The following MIS18A variants were observed in gnomAD, a reference collection of about 807,000 sequenced individuals.
MIS18A encodes the protein MIS18 kinetochore protein A, also known as protein Mis18-alpha.
A neutral mutation model predicts 25.0 loss-of-function variants in MIS18A; 14 were observed. The ratio of observed to expected loss-of-function variants is 0.56; its 90% CI spans 0.37 to 0.88. MIS18A has a LOEUF of 0.88. Ranked by LOEUF, MIS18A falls within the 40% of genes least tolerant of loss-of-function variation. The pLI is 0.00. For missense variants in MIS18A, 292 were observed against 290.8 expected (o/e 1.00, Z -0.03); for synonymous variants, 134 against 118.6 (o/e 1.13, Z -0.84).
downstream of MIS18A, among the ~76,000 whole-genome samples, chr21:32,265,697 C>A (rs2031584997): frequency 6.6e-6 from 1 of 152,262 alleles, no homozygotes; most frequent in African/African-American, 2.4e-5. Flanking sequence ...CATCGACCAC[C>A]CAAGGGCTGA....
intron 3 of MIS18A, among the ~76,000 whole-genome samples, chr21:32,270,053 G>A (rs1346783262): frequency 1.3e-5 from 2 of 152,020 alleles, no homozygotes; most frequent in African/African-American, 2.4e-5. Flanking sequence ...CAGCCTGGGC[G>A]ACAGAGTGAG....
At chr21:32,213,284 T>C in the MIS18A span, among the ~76,000 whole-genome samples, 1 of 152,198 alleles carries the variant, frequency 6.6e-6, no homozygotes, top group Non-Finnish European at 1.5e-5. Flanking sequence ...AAATGGCTGA[T>C]TGTATGAATG....
chr21:32,175,092 G>A, the MIS18A span, among the ~76,000 whole-genome samples: 1 of 152,126 alleles, frequency 6.6e-6, no homozygotes, highest in African/African-American at 2.4e-5. Flanking sequence ...TAGGCTATAT[G>A]GTATAGACTA....
chr21:32,213,137 A>G, the MIS18A span, among the ~76,000 whole-genome samples: 1 of 152,356 alleles, frequency 6.6e-6, no homozygotes, highest in Admixed American at 6.5e-5. Flanking sequence ...AAAAAAATGC[A>G]CATACCCTTT....
the MIS18A span, among the ~76,000 whole-genome samples, chr21:32,168,447 C>G: frequency 2.0e-5 from 3 of 151,962 alleles, no homozygotes; most frequent in Non-Finnish European, 2.9e-5. Context: ...TAAAAATGGA[C>G]TTATTTAGAC....
chr21:32,181,584 G>A, the MIS18A span, among the ~76,000 whole-genome samples: 2 of 152,098 alleles, frequency 1.3e-5, no homozygotes, highest in Non-Finnish European at 2.9e-5. Flanking sequence ...ACTGACTCTT[G>A]AGCCAGGGAA....
At chr21:32,241,517 C>G in the MIS18A span, among the ~76,000 whole-genome samples, 1 of 152,184 alleles carries the variant, frequency 6.6e-6, no homozygotes, top group African/African-American at 2.4e-5. Context: ...TTTCCCTTTC[C>G]TTGGAAGGAA....
At chr21:32,227,394 G>GA in the MIS18A span, among the ~76,000 whole-genome samples, 137 of 147,186 alleles carry the variant, frequency 9.3e-4, no homozygotes, top group Middle Eastern at 3.5e-3. Flanking sequence ...TGACCTTACA[G>GA]AAAAAAAAAA....
chr21:32,223,117 A>C, the MIS18A span, among the ~76,000 whole-genome samples: 16 of 152,166 alleles, frequency 1.1e-4, no homozygotes, highest in Non-Finnish European at 2.2e-4. Flanking sequence ...TCTAGGACAC[A>C]GCTAAAGCAG....
the MIS18A span, among the ~76,000 whole-genome samples, chr21:32,186,991 T>G: frequency 6.6e-5 from 10 of 152,126 alleles, no homozygotes; most frequent in African/African-American, 2.4e-4. Context: ...TTAAGTGCAA[T>G]ATGGTCTGCA....
intron 2 of MIS18A, among the ~76,000 whole-genome samples, chr21:32,271,115 G>C (rs1220448786): frequency 6.6e-6 from 1 of 152,114 alleles, no homozygotes; most frequent in African/African-American, 2.4e-5. Flanking sequence ...CCACACACTT[G>C]AATATACCCT....
downstream of MIS18A, among the ~76,000 whole-genome samples, chr21:32,265,852 CA>C (rs1320953885): frequency 1.3e-5 from 2 of 152,214 alleles, no homozygotes; most frequent in African/African-American, 2.4e-5. Context: ...GTAAATACAC[CA>C]ATCAGCACCC....
At chr21:32,248,265 T>C in the MIS18A span, among the ~76,000 whole-genome samples, 8 of 152,308 alleles carry the variant, frequency 5.3e-5, no homozygotes, top group African/African-American at 1.9e-4. Context: ...CAGTGTAATT[T>C]CTCCCTGAGA....
the MIS18A span, among the ~76,000 whole-genome samples, chr21:32,236,077 A>G: frequency 5.5e-5 from 6 of 109,500 alleles, no homozygotes; most frequent in Non-Finnish European, 8.9e-5. Flanking sequence ...TTTTATTTAA[A>G]ATAAAAAAAA....
intron 3 of MIS18A, 144 bp downstream of exon 3, chr21:32,270,262 CA>C (rs11397095): frequency 0.06 from 46,022 of 766,768 alleles, no homozygotes; most frequent in East Asian, 0.085. Context: ...GAGGTCAAAG[CA>C]AAAAAAAAAA....
At chr21:32,179,247 C>T in the MIS18A span, among the ~76,000 whole-genome samples, 1 of 152,126 alleles carries the variant, frequency 6.6e-6, no homozygotes, top group African/African-American at 2.4e-5. Context: ...TCTCTTTCCC[C>T]CTGTACTCAA....
chr21:32,265,678 G>A (rs1054164848), downstream of MIS18A, among the ~76,000 whole-genome samples: 9 of 152,352 alleles, frequency 5.9e-5, no homozygotes, highest in Middle Eastern at 3.4e-3. Flanking sequence ...GCTCCATGGC[G>A]CCCAGTCCCA....
At chr21:32,158,649 A>G in the MIS18A span, among the ~76,000 whole-genome samples, 1 of 151,848 alleles carries the variant, frequency 6.6e-6, no homozygotes, top group Non-Finnish European at 1.5e-5. Context: ...TAATTTTTGT[A>G]TTTTGAGTAG....
At chr21:32,167,533 T>C in the MIS18A span, among the ~76,000 whole-genome samples, 2 of 152,010 alleles carry the variant, frequency 1.3e-5, no homozygotes, top group Admixed American at 6.6e-5. Flanking sequence ...AAAATGAAGA[T>C]TGGTGAGCTG....
Sources: allele counts gnomAD v4.1 joint callset (sites outside exome capture counted in the v4.1 genomes callset), GRCh38; gene constraint gnomAD v4.1.1; transcripts MANE v1.5; gene names NCBI Gene and HGNC (gene_info 2026-07-23, HGNC 2026-07-21).